The following KCNIP4 variants were observed in gnomAD, a reference collection of about 807,000 sequenced individuals.
KCNIP4 encodes the protein Kv channel-interacting protein 4.
In KCNIP4, 12 loss-of-function variants were observed where a neutral mutation model predicts 34.0. That is an observed-to-expected ratio of 0.35 (90% CI 0.23 to 0.57). The LOEUF is 0.57. Among genes scored for constraint, KCNIP4 ranks in the 20% least tolerant of loss-of-function variants. The pLI is 0.83. For synonymous variants in KCNIP4, 124 were observed against 102.2 expected (o/e 1.21, Z -1.29); for missense variants, 238 against 311.7 (o/e 0.76, Z 1.78).
chr4:21,109,451 A>G (rs4388085), intron 1 of KCNIP4, among the ~76,000 whole-genome samples: 43,630 of 142,622 alleles, frequency 0.31, 6,722 homozygotes, highest in African/African-American at 0.45. Flanking sequence ...TAAGCCCGTC[A>G]GAAAAGCACA....
chr4:21,283,746 C>A (rs939060986), intron 1 of KCNIP4, among the ~76,000 whole-genome samples: 6 of 151,106 alleles, frequency 4.0e-5, no homozygotes, highest in Non-Finnish European at 8.8e-5. Flanking sequence ...CACATGTATA[C>A]ATATGTAACA....
intron 1 of KCNIP4, among the ~76,000 whole-genome samples, chr4:21,747,513 T>C (rs1410514442): frequency 6.6e-6 from 1 of 152,154 alleles, no homozygotes; most frequent in East Asian, 1.9e-4. Flanking sequence ...TAGAGTACTG[T>C]GCCAGAAGAA....
intron 1 of KCNIP4, among the ~76,000 whole-genome samples, chr4:21,947,574 T>C (rs926001565): frequency 6.6e-6 from 1 of 152,220 alleles, no homozygotes; most frequent in Non-Finnish European, 1.5e-5. Flanking sequence ...GTTGTTGAGG[T>C]GACTCCATTT....
At chr4:21,778,403 A>G (rs5011097) in intron 1 of KCNIP4, among the ~76,000 whole-genome samples, 95,954 of 149,258 alleles carry the variant, frequency 0.64, 31,791 homozygotes, top group Non-Finnish European at 0.73. Context: ...CTGAGCAATG[A>G]AAAAAAAAAC....
chr4:21,623,145 A>G (rs920297424), intron 1 of KCNIP4, among the ~76,000 whole-genome samples: 1 of 152,194 alleles, frequency 6.6e-6, no homozygotes, highest in East Asian at 1.9e-4. Flanking sequence ...AATATCATAA[A>G]CATTCTGAAT....
At chr4:21,343,104 C>A (rs1716921584) in intron 1 of KCNIP4, among the ~76,000 whole-genome samples, 1 of 151,964 alleles carries the variant, frequency 6.6e-6, no homozygotes, top group Non-Finnish European at 1.5e-5. Context: ...AAAGATGGAC[C>A]CAATTATAGC....
intron 3 of KCNIP4, among the ~76,000 whole-genome samples, chr4:20,795,675 C>A (rs1713359740): frequency 6.6e-6 from 1 of 152,180 alleles, no homozygotes; most frequent in African/African-American, 2.4e-5. Flanking sequence ...TTGTTGCCTA[C>A]CATCTTTAAA....
intron 1 of KCNIP4, among the ~76,000 whole-genome samples, chr4:21,414,458 A>T (rs1038578169): frequency 6.6e-6 from 1 of 152,210 alleles, no homozygotes; most frequent in Non-Finnish European, 1.5e-5. Context: ...GTGTGGAGAA[A>T]TTGAAACCCT....
chr4:20,908,320 G>T (rs1171101199), intron 1 of KCNIP4, among the ~76,000 whole-genome samples: 1 of 152,166 alleles, frequency 6.6e-6, no homozygotes, highest in Admixed American at 6.5e-5. Context: ...GGCTGGTCTC[G>T]AACTCCTGAC....
intron 1 of KCNIP4, among the ~76,000 whole-genome samples, chr4:21,935,368 G>A (rs540855734): frequency 3.9e-5 from 6 of 152,028 alleles, no homozygotes; most frequent in Non-Finnish European, 7.4e-5. Flanking sequence ...AACCTTAAAT[G>A]CCTACCCACT....
rs1368560878 is a variant in KCNIP4 at position 21,634,232 on chromosome 4, A to C, written c.61+314339T>G. ...CTACGGGTTCTTTCCTCAAAAAAAA[A>C]AAAAAAAAAAAAAAACACATACATA... is the stretch of plus-strand genomic sequence containing the variant. On this transcript the variant is annotated intron_variant, in intron 1 of 8. Coordinates refer to ENST00000382152, the MANE Select transcript of KCNIP4 (RefSeq NM_025221.6). 2.0e-5 allele frequency among the ~76,000 whole-genome samples: 3 copies of C among 150,848 alleles called. No individual in the cohort carries two copies. The East Asian group carries it at 5.8e-4, about 29-fold the overall frequency.
At chr4:21,702,073 T>A (rs947948690) in intron 1 of KCNIP4, among the ~76,000 whole-genome samples, 1 of 152,112 alleles carries the variant, frequency 6.6e-6, no homozygotes, top group African/African-American at 2.4e-5. Flanking sequence ...ATAATAGATA[T>A]GTTGTTCAAT....
At chr4:21,608,233 T>C (rs1418484095) in intron 1 of KCNIP4, among the ~76,000 whole-genome samples, 5 of 152,278 alleles carry the variant, frequency 3.3e-5, no homozygotes, top group African/African-American at 1.2e-4. Flanking sequence ...TTTCTATAGG[T>C]CAGAAGTCCA....
At chr4:21,273,828 T>C (rs935664435) in intron 1 of KCNIP4, among the ~76,000 whole-genome samples, 5 of 152,194 alleles carry the variant, frequency 3.3e-5, no homozygotes, top group Non-Finnish European at 7.4e-5. Context: ...CTTCTATTAT[T>C]GCACTTTCCA....
At chr4:21,221,124 G>T (rs1757952404) in intron 1 of KCNIP4, among the ~76,000 whole-genome samples, 1 of 152,034 alleles carries the variant, frequency 6.6e-6, no homozygotes, top group Admixed American at 6.6e-5. Flanking sequence ...TACTGATGTT[G>T]CCCAGTCATG....
rs954134601 is a variant in KCNIP4 at position 21,008,663 on chromosome 4, G to A, written c.62-125954C>T. ...CTCAGCCTCCCAAGTAGCTGGGACT[G>A]CAGGCGCCCGCCACCACGCCCGGCT... On this transcript the variant is annotated intron_variant, in intron 1 of 8. Transcript: ENST00000382152. Among the ~76,000 whole-genome samples, 12 of 151,646 alleles carry A rather than the reference G, an allele frequency of 7.9e-5. No individual in the cohort carries two copies. The South Asian group carries it at 1.5e-3, about 19-fold the overall frequency.
At chr4:21,776,361 G>A (rs753437295) in intron 1 of KCNIP4, among the ~76,000 whole-genome samples, 12 of 152,104 alleles carry the variant, frequency 7.9e-5, no homozygotes, top group South Asian at 2.1e-4. Context: ...GCCTCCGAAC[G>A]TTGCTGTTTC....
intron 1 of KCNIP4, among the ~76,000 whole-genome samples, chr4:21,252,006 TATA>T (rs966063574): frequency 1.7e-4 from 25 of 150,226 alleles, no homozygotes; most frequent in Middle Eastern, 6.9e-3. Flanking sequence ...AAACTTAAAG[TATA>T]ATAATAATAA....
chr4:21,628,754 C>T (rs6812040), intron 1 of KCNIP4, among the ~76,000 whole-genome samples: 38,601 of 151,970 alleles, frequency 0.25, 5,344 homozygotes, highest in African/African-American at 0.37. Context: ...TAATGAGTCA[C>T]ACAAGTGAAA....
Sources: allele counts gnomAD v4.1 joint callset (sites outside exome capture counted in the v4.1 genomes callset), GRCh38; gene constraint gnomAD v4.1.1; transcripts MANE v1.5; gene names NCBI Gene and HGNC (gene_info 2026-07-23, HGNC 2026-07-21).